The following PTPRM variants were observed in gnomAD, a reference collection of about 807,000 sequenced individuals.
PTPRM encodes the protein protein tyrosine phosphatase receptor type M.
A neutral mutation model predicts 186.7 loss-of-function variants in PTPRM; 47 were observed. The ratio of observed to expected loss-of-function variants is 0.25; its 90% CI spans 0.20 to 0.32. The LOEUF (loss-of-function observed/expected upper bound fraction) is 0.32. Among genes scored for constraint, PTPRM ranks in the 10% least tolerant of loss-of-function variants. The pLI, the probability that PTPRM is intolerant of heterozygous loss-of-function variation, is 1.00. For synonymous variants in PTPRM, 668 were observed against 674.9 expected (o/e 0.99, Z 0.16); for missense variants, 1,494 against 1,865.0 (o/e 0.80, Z 3.66).
At chr18:7,607,084 C>T (rs767392921) in intron 1 of PTPRM, among the ~76,000 whole-genome samples, 6 of 151,980 alleles carry the variant, frequency 3.9e-5, no homozygotes, top group Non-Finnish European at 7.4e-5. Context: ...CAAAAGACTT[C>T]AGAAAGGTGG....
At chr18:8,240,147 G>A (rs2094398725) in intron 14 of PTPRM, among the ~76,000 whole-genome samples, 1 of 152,112 alleles carries the variant, frequency 6.6e-6, no homozygotes, top group Admixed American at 6.5e-5. Flanking sequence ...GAAAGAAAAA[G>A]AGAGAAACAA....
chr18:8,328,996 A>G (rs1175362246), intron 22 of PTPRM, among the ~76,000 whole-genome samples: 1 of 152,258 alleles, frequency 6.6e-6, no homozygotes, highest in Non-Finnish European at 1.5e-5. Flanking sequence ...CATGTCAGGT[A>G]ACATCCACCT....
intron 1 of PTPRM, among the ~76,000 whole-genome samples, chr18:7,763,168 A>G (rs139557123): frequency 2.0e-5 from 3 of 152,314 alleles, no homozygotes; most frequent in South Asian, 2.1e-4. Context: ...GCATTTGAGC[A>G]TAGGATTAGA....
chr18:8,397,746 C>T (rs1349557779), intron 32 of PTPRM, among the ~76,000 whole-genome samples: 1 of 152,192 alleles, frequency 6.6e-6, no homozygotes, highest in African/African-American at 2.4e-5. Flanking sequence ...TGCAGGAAAG[C>T]GGCTGCTTCA....
intron 14 of PTPRM, among the ~76,000 whole-genome samples, chr18:8,172,664 G>T (rs573358857): frequency 4.0e-5 from 6 of 150,192 alleles, no homozygotes; most frequent in Admixed American, 3.3e-4. Context: ...TGTGAGGAAG[G>T]TTCTTAACCA....
intron 7 of PTPRM, among the ~76,000 whole-genome samples, chr18:8,045,297 G>A (rs2086969408): frequency 1.3e-5 from 2 of 152,098 alleles, no homozygotes; most frequent in Admixed American, 1.3e-4. Context: ...GCAGTCAGCT[G>A]TGATCGCACC....
At chr18:7,653,370 A>G (rs1431565847) in intron 1 of PTPRM, among the ~76,000 whole-genome samples, 5 of 152,086 alleles carry the variant, frequency 3.3e-5, no homozygotes, top group African/African-American at 1.2e-4. Flanking sequence ...TTTGTTATAT[A>G]GGTAAACTAT....
intron 7 of PTPRM, among the ~76,000 whole-genome samples, chr18:8,037,939 T>A (rs954597223): frequency 1.3e-5 from 2 of 152,194 alleles, no homozygotes; most frequent in Non-Finnish European, 2.9e-5. Context: ...TATGTGTCAC[T>A]CTTTGACCTT....
At chr18:7,686,485 A>G (rs1250898821) in intron 1 of PTPRM, among the ~76,000 whole-genome samples, 7 of 152,092 alleles carry the variant, frequency 4.6e-5, no homozygotes, top group Middle Eastern at 3.2e-3. Flanking sequence ...TTTCAGGCAT[A>G]TTCTTATTTG....
intron 3 of PTPRM, among the ~76,000 whole-genome samples, chr18:7,890,880 T>G (rs1415802474): frequency 6.6e-6 from 1 of 152,230 alleles, no homozygotes; most frequent in Non-Finnish European, 1.5e-5. Flanking sequence ...AAGGTTATGT[T>G]GTTAAATGGA....
rs192925919 is a variant in PTPRM at position 8,389,245 on chromosome 18, G to A, written c.4208+2010G>A. The stretch of plus-strand genomic sequence containing the variant: ...AGATGTATAATGCATCGCTCCCCCC[G>A]GGATTAGCAGCTTTCTAAAAAGGGT... On this transcript the variant is annotated intron_variant, in intron 31 of 32. Transcript: ENST00000580170. Among the ~76,000 whole-genome samples the A allele has an allele frequency of 7.2e-5, 11 of 151,940 alleles. 1 individual carries two copies. The highest frequency in any genetic ancestry group is 4.2e-4 in the South Asian group (2 of 4,812).
intron 2 of PTPRM, among the ~76,000 whole-genome samples, chr18:7,835,100 A>G (rs2045974793): frequency 7.6e-6 from 1 of 130,878 alleles, no homozygotes; most frequent in Admixed American, 7.8e-5. Flanking sequence ...TTTCAGTGTC[A>G]TTTATTTCTT....
chr18:8,258,866 CA>C (rs879602950), intron 19 of PTPRM, among the ~76,000 whole-genome samples: 418 of 138,728 alleles, frequency 3.0e-3, no homozygotes, highest in African/African-American at 6.1e-3. Flanking sequence ...TCCTATTCTT[CA>C]AAAAAAAAAA....
At chr18:7,667,028 A>G (rs763653522) in intron 1 of PTPRM, among the ~76,000 whole-genome samples, 2 of 152,186 alleles carry the variant, frequency 1.3e-5, no homozygotes, top group Non-Finnish European at 2.9e-5. Flanking sequence ...CTAGGGACCA[A>G]CTCTGCCCAG....
chr18:7,938,120 A>T (rs2051942388), intron 5 of PTPRM, among the ~76,000 whole-genome samples: 1 of 152,074 alleles, frequency 6.6e-6, no homozygotes, highest in Non-Finnish European at 1.5e-5. Context: ...TTTATTGTTT[A>T]TTGTTTTTGG....
At chr18:8,202,022 GT>G (rs1354909631) in intron 14 of PTPRM, among the ~76,000 whole-genome samples, 1 of 152,174 alleles carries the variant, frequency 6.6e-6, no homozygotes, top group Non-Finnish European at 1.5e-5. Flanking sequence ...TGCTTTTCAA[GT>G]TTTCTTCCTC....
intron 22 of PTPRM, among the ~76,000 whole-genome samples, chr18:8,323,017 C>G (rs2095355025): frequency 6.6e-6 from 1 of 152,002 alleles, no homozygotes; most frequent in Non-Finnish European, 1.5e-5. Flanking sequence ...GATTTAGGAT[C>G]TCCCTAAATC....
chr18:8,403,100 G>A (rs1042272785), intron 32 of PTPRM: 18 of 152,176 alleles, frequency 1.2e-4, no homozygotes, highest in Admixed American at 1.2e-3. Context: ...CAAGATGTCG[G>A]GGATGGTTAA....
chr18:7,822,174 C>T (rs532190912), intron 2 of PTPRM, among the ~76,000 whole-genome samples: 10 of 152,306 alleles, frequency 6.6e-5, no homozygotes, highest in African/African-American at 2.2e-4. Flanking sequence ...CTCTGATGCT[C>T]AATACTTCTT....
Sources: allele counts gnomAD v4.1 joint callset (sites outside exome capture counted in the v4.1 genomes callset), GRCh38; gene constraint gnomAD v4.1.1; transcripts MANE v1.5; gene names NCBI Gene and HGNC (gene_info 2026-07-23, HGNC 2026-07-21).